The following CDH2 variants were observed in gnomAD, a reference collection of about 807,000 sequenced individuals.
CDH2 encodes cadherin 2.
Under a neutral mutation model 92.0 loss-of-function variants are expected in CDH2, and 17 were observed. The ratio of observed to expected loss-of-function variants is 0.18; its 90% CI spans 0.13 to 0.28. CDH2 has a LOEUF of 0.28. Ranked by LOEUF, CDH2 falls within the 10% of genes least tolerant of loss-of-function variation. The pLI is 1.00. For synonymous variants in CDH2, 419 were observed against 415.9 expected (o/e 1.01, Z -0.09); for missense variants, 862 against 1,133.1 (o/e 0.76, Z 3.44).
intron 2 of CDH2, among the ~76,000 whole-genome samples, chr18:28,016,666 T>C (rs1378681970): frequency 6.6e-6 from 1 of 152,112 alleles, no homozygotes. Flanking sequence ...GGCTGTTTGA[T>C]TTCCAGCGGT....
intron 7 of CDH2, among the ~76,000 whole-genome samples, chr18:28,001,544 A>G (rs764161489): frequency 6.6e-6 from 1 of 152,244 alleles, no homozygotes; most frequent in African/African-American, 2.4e-5. Flanking sequence ...GTTTATCGGC[A>G]TATAAAAATA....
At chr18:28,068,222 C>G (rs1005644089) in intron 2 of CDH2, among the ~76,000 whole-genome samples, 6 of 152,184 alleles carry the variant, frequency 3.9e-5, no homozygotes, top group African/African-American at 9.6e-5. Context: ...ATCCCCGATC[C>G]CCAAACCATT....
intron 2 of CDH2, among the ~76,000 whole-genome samples, chr18:28,065,162 T>C (rs2014482443): frequency 6.6e-6 from 1 of 152,160 alleles, no homozygotes; most frequent in Non-Finnish European, 1.5e-5. Flanking sequence ...GTCCTTCTGA[T>C]AAAGGGCAAC....
At chr18:28,142,675 C>A (rs74750111) in intron 2 of CDH2, among the ~76,000 whole-genome samples, 2 of 151,934 alleles carry the variant, frequency 1.3e-5, no homozygotes, top group African/African-American at 4.8e-5. Context: ...AGAGAACAAT[C>A]TCTGTCTTGG....
intron 2 of CDH2, chr18:28,097,241 C>A (rs957257283): frequency 2.6e-5 from 4 of 152,038 alleles, no homozygotes; most frequent in East Asian, 1.9e-4. Context: ...AATTTAGATA[C>A]CTGTGTTTCA....
At chr18:28,071,868 A>C (rs572510848) in intron 2 of CDH2, among the ~76,000 whole-genome samples, 1 of 152,156 alleles carries the variant, frequency 6.6e-6, no homozygotes, top group Non-Finnish European at 1.5e-5. Flanking sequence ...TAATATGCCT[A>C]GGATAGTTCC....
At chr18:27,969,094 C>G (rs190083697) in intron 14 of CDH2, among the ~76,000 whole-genome samples, 1 of 152,252 alleles carries the variant, frequency 6.6e-6, no homozygotes, top group Middle Eastern at 3.4e-3. Context: ...ATCGTTATGA[C>G]GGTAACTATC....
chr18:28,044,761 A>C (rs2014038099), intron 2 of CDH2, among the ~76,000 whole-genome samples: 1 of 136,920 alleles, frequency 7.3e-6, no homozygotes, highest in African/African-American at 2.9e-5. Flanking sequence ...CAACTTCTCT[A>C]AGCCTTAGTT....
At chr18:27,988,141 A>G (rs1416563885) in intron 11 of CDH2, among the ~76,000 whole-genome samples, 1 of 152,216 alleles carries the variant, frequency 6.6e-6, no homozygotes, top group African/African-American at 2.4e-5. Context: ...AGACAGAGGC[A>G]GAGAATTATA....
At chr18:28,067,161 G>C (rs887326400) in intron 2 of CDH2, among the ~76,000 whole-genome samples, 2 of 151,850 alleles carry the variant, frequency 1.3e-5, no homozygotes, top group Admixed American at 6.6e-5. Flanking sequence ...TTGTGTTTTG[G>C]GTTTTGTTTA....
intron 9 of CDH2, among the ~76,000 whole-genome samples, chr18:27,990,688 C>A (rs1599015535): frequency 6.6e-6 from 1 of 152,048 alleles, no homozygotes; most frequent in African/African-American, 2.4e-5. Flanking sequence ...AATATAAAGT[C>A]AAGTGAGAAC....
At chr18:28,024,724 G>A (rs934424419) in intron 2 of CDH2, among the ~76,000 whole-genome samples, 1 of 151,440 alleles carries the variant, frequency 6.6e-6, no homozygotes, top group Non-Finnish European at 1.5e-5. Context: ...TTAATTGAAA[G>A]GAGTTTTTTT....
chr18:28,003,222 CA>C, intron 6 of CDH2, 53 bp from the exon 7 acceptor site: 1 of 1,362,782 alleles, frequency 7.3e-7, no homozygotes, highest in Non-Finnish European at 1.0e-6. Context: ...CCAGGGACCC[CA>C]AAATAGAAGG....
intron 15 of CDH2, among the ~76,000 whole-genome samples, chr18:27,959,914 T>C (rs1159217882): frequency 2.0e-5 from 3 of 151,526 alleles, no homozygotes; most frequent in Non-Finnish European, 2.9e-5. Context: ...CTTTGGAAGG[T>C]TGAGGATGGA....
chr18:28,092,799 C>T (rs909053125), intron 2 of CDH2, among the ~76,000 whole-genome samples: 1 of 152,134 alleles, frequency 6.6e-6, no homozygotes, highest in Non-Finnish European at 1.5e-5. Flanking sequence ...TAGAAGTCTT[C>T]ACATCTGTCC....
chr18:28,016,537 G>A (rs887393868), intron 2 of CDH2, among the ~76,000 whole-genome samples: 1 of 152,064 alleles, frequency 6.6e-6, no homozygotes, highest in Non-Finnish European at 1.5e-5. Context: ...GGAATGCCAG[G>A]CACTGAAAAA....
In CDH2 at chr18:27,933,390, A is replaced by G. The variant is rs530902080; in HGVS notation, c.1152-266T>C. On this transcript the variant is annotated intron_variant, in intron 6 of 6. Coordinates refer to the CDH2 transcript ENST00000675173. ...AGGTCCTCTTTACTTTCAACTATTC[A>G]TCTATAAAATGTATAGGTATGTTGT... is the stretch of plus-strand genomic sequence containing the variant. Among the ~76,000 whole-genome samples the G allele has an allele frequency of 2.8e-4, 42 of 152,270 alleles. No homozygotes were observed. The South Asian group carries it at 8.5e-3, about 31-fold the overall frequency.
chr18:28,023,940 G>C (rs1330663943), intron 2 of CDH2, among the ~76,000 whole-genome samples: 2 of 152,080 alleles, frequency 1.3e-5, no homozygotes, highest in Admixed American at 1.3e-4. Context: ...GAACATATAG[G>C]CTGGTAAAAT....
At chr18:27,987,716 T>C (rs2012281197) in intron 11 of CDH2, among the ~76,000 whole-genome samples, 2 of 152,202 alleles carry the variant, frequency 1.3e-5, no homozygotes, top group African/African-American at 4.8e-5. Context: ...GCTTCATATA[T>C]ATGTAGAAGT....
Sources: gnomAD v4.1 joint callset for allele counts (sites outside exome capture counted in the v4.1 genomes callset) on GRCh38, gnomAD v4.1.1 for gene constraint, MANE v1.5 for transcripts, NCBI Gene and HGNC (gene_info 2026-07-23, HGNC 2026-07-21) for gene names.